The following DOCK1 variants were observed in gnomAD, a reference collection of about 807,000 sequenced individuals.
The protein encoded by DOCK1 is dedicator of cytokinesis 1.
In DOCK1, 138 loss-of-function variants were observed where a neutral mutation model predicts 262.7. That is an observed-to-expected ratio of 0.53 (90% CI 0.46 to 0.61). DOCK1 has a LOEUF of 0.61. Ranked by LOEUF, DOCK1 falls within the 20% of genes least tolerant of loss-of-function variation. The pLI is 0.00. For missense variants in DOCK1, 1,908 were observed against 2,370.7 expected, an observed-to-expected ratio of 0.80 and a Z score of 4.05; for synonymous variants, 866 against 867.4, an observed-to-expected ratio of 1.00 and a Z score of 0.03.
At chr10:127,415,048 G>A in intron 43 of DOCK1, 104 bp from the exon 44 acceptor site, 1 of 1,050,102 alleles carries the variant, frequency 9.5e-7, no homozygotes, top group Non-Finnish European at 1.4e-6. Context: ...CCTGCTGAAG[G>A]ACCTGACTCC....
chr10:127,222,346 GC>G (rs1467163510), intron 27 of DOCK1, among the ~76,000 whole-genome samples: 1 of 152,144 alleles, frequency 6.6e-6, no homozygotes, highest in Non-Finnish European at 1.5e-5. Context: ...CTGAAAAACA[GC>G]CCCCATATCA....
At chr10:127,314,762 G>T (rs917174961) in intron 29 of DOCK1, among the ~76,000 whole-genome samples, 28 of 152,204 alleles carry the variant, frequency 1.8e-4, no homozygotes, top group Non-Finnish European at 2.9e-4. Flanking sequence ...AAAGAACCCT[G>T]TCTGTCAGTG....
intron 37 of DOCK1, among the ~76,000 whole-genome samples, chr10:127,381,670 A>C (rs1056157444): frequency 9.2e-5 from 14 of 152,328 alleles, no homozygotes; most frequent in African/African-American, 3.1e-4. Flanking sequence ...GTTCAGGACT[A>C]CAGGACTCCA....
chr10:127,414,010 C>G, intron 43 of DOCK1, among the ~76,000 whole-genome samples: 1 of 152,186 alleles, frequency 6.6e-6, no homozygotes, highest in East Asian at 1.9e-4. Flanking sequence ...CTCCCGAGTT[C>G]AAGCGATTCT....
rs563571235 is a variant in DOCK1, at chr10:127,074,070, G to A, written c.2445+12294G>A. ...CTATAGCATTATCAAGAGGGAAAAAGGAATATTTCATATGTGAGCTTAAAA... is the reference window on the plus strand; with the variant it reads ...CTATAGCATTATCAAGAGGGAAAAAAGAATATTTCATATGTGAGCTTAAAA... On this transcript the variant is annotated intron_variant, in intron 23 of 51. Transcript: ENST00000623213. Among the ~76,000 whole-genome samples the A allele has an allele frequency of 2.0e-3, 304 of 152,192 alleles. 1 individual carries two copies. Among genetic ancestry groups the A allele is most frequent in the African/African-American group, 6.8e-3 (284 of 41,490 alleles).
intron 16 of DOCK1, among the ~76,000 whole-genome samples, chr10:127,031,060 C>T (rs1300698596): frequency 6.6e-6 from 1 of 152,196 alleles, no homozygotes; most frequent in African/African-American, 2.4e-5. Flanking sequence ...AAAGGCAGCA[C>T]AATTTCACAT....
intron 1 of DOCK1, among the ~76,000 whole-genome samples, chr10:126,933,395 G>A (rs969339724): frequency 6.6e-6 from 1 of 152,140 alleles, no homozygotes; most frequent in East Asian, 1.9e-4. Context: ...AGAGGGGTAA[G>A]GAAGAAGCCA....
chr10:127,415,266 T>C (rs776233441), intron 44 of DOCK1, 28 bp downstream of exon 44: 5 of 1,603,354 alleles, frequency 3.1e-6, no homozygotes, highest in African/African-American at 2.7e-5. Flanking sequence ...CCAGAAGGAA[T>C]TGTCCGTTCC....
chr10:127,106,159 T>C (rs1177359716), intron 23 of DOCK1, 72 bp from the exon 24 acceptor site: 29 of 1,462,840 alleles, frequency 2.0e-5, no homozygotes, highest in Non-Finnish European at 2.7e-5. Flanking sequence ...GTTCTTCTCA[T>C]AAGGATTACA....
At chr10:126,955,422 T>C (rs1385839788) in intron 1 of DOCK1, among the ~76,000 whole-genome samples, 3 of 152,174 alleles carry the variant, frequency 2.0e-5, no homozygotes, top group African/African-American at 4.8e-5. Context: ...CAGTAATTTA[T>C]CATAATTTTT....
chr10:127,253,253 C>T (rs36057049), intron 28 of DOCK1, among the ~76,000 whole-genome samples: 4 of 151,954 alleles, frequency 2.6e-5, no homozygotes, highest in Admixed American at 6.5e-5. Flanking sequence ...GGAACAATGA[C>T]GGCTTTGGTA....
At chr10:127,345,629 A>T (rs1259689682) in intron 31 of DOCK1, among the ~76,000 whole-genome samples, 1 of 152,216 alleles carries the variant, frequency 6.6e-6, no homozygotes, top group Non-Finnish European at 1.5e-5. Context: ...AGCACTGAGA[A>T]TGGTGTAGGC....
chr10:127,374,570 C>T (rs896986303), intron 35 of DOCK1, among the ~76,000 whole-genome samples: 7 of 152,088 alleles, frequency 4.6e-5, no homozygotes, highest in Non-Finnish European at 1.0e-4. Flanking sequence ...ATGGTGGCCT[C>T]AAAGGTAGAG....
intron 27 of DOCK1, among the ~76,000 whole-genome samples, chr10:127,202,323 C>CAA (rs201719816): frequency 4.8e-5 from 6 of 125,598 alleles, no homozygotes; most frequent in African/African-American, 1.2e-4. Flanking sequence ...ACTCTGTCTC[C>CAA]AAAAAAAAAA....
intron 22 of DOCK1, among the ~76,000 whole-genome samples, chr10:127,061,439 G>A (rs2045523168): frequency 6.6e-6 from 1 of 152,182 alleles, no homozygotes; most frequent in Non-Finnish European, 1.5e-5. Flanking sequence ...AAAATGCAGT[G>A]AGTGGTAGCA....
chr10:127,208,812 TAAC>T (rs1338970117), intron 27 of DOCK1, among the ~76,000 whole-genome samples: 1 of 152,194 alleles, frequency 6.6e-6, no homozygotes, highest in East Asian at 1.9e-4. Context: ...TCTAAGATAA[TAAC>T]GTTGAGATAT....
intron 38 of DOCK1, among the ~76,000 whole-genome samples, chr10:127,398,359 G>C (rs2067036545): frequency 6.6e-6 from 1 of 152,170 alleles, no homozygotes; most frequent in Non-Finnish European, 1.5e-5. Context: ...GACTAGCTGG[G>C]CCCTTGGAAT....
intron 18 of DOCK1, among the ~76,000 whole-genome samples, chr10:127,034,314 G>T (rs1046520095): frequency 6.6e-6 from 1 of 152,172 alleles, no homozygotes; most frequent in Non-Finnish European, 1.5e-5. Context: ...GAAAGAGAGA[G>T]AGAGAGCTTG....
At chr10:127,253,910 G>A (rs2059745313) in intron 28 of DOCK1, among the ~76,000 whole-genome samples, 1 of 145,710 alleles carries the variant, frequency 6.9e-6, no homozygotes, top group Non-Finnish European at 1.5e-5. Flanking sequence ...CATGATTCCT[G>A]CCACCTCAAT....
Sources: gnomAD v4.1 joint callset for allele counts (sites outside exome capture counted in the v4.1 genomes callset) on GRCh38, gnomAD v4.1.1 for gene constraint, MANE v1.5 for transcripts, NCBI Gene and HGNC (gene_info 2026-07-23, HGNC 2026-07-21) for gene names.